VPS50: variants seen among roughly 807,000 people sequenced by gnomAD.
VPS50 encodes syndetin.
VPS50 carries 70 observed loss-of-function variants against 139.7 expected under a neutral mutation model. That is an observed-to-expected ratio of 0.50 (90% confidence interval 0.41 to 0.61). The LOEUF is 0.61. Among genes scored for constraint, VPS50 ranks in the 20% least tolerant of loss-of-function variants. VPS50 has a pLI of 0.00. For synonymous variants in VPS50, 365 were observed against 376.7 expected (o/e 0.97, Z 0.36); for missense variants, 921 against 1,133.7 (o/e 0.81, Z 2.69).
At chr7:93,348,879 GT>G in intron 24 of VPS50, 72 bp downstream of exon 24, 1 of 1,114,328 alleles carries the variant, frequency 9.0e-7, no homozygotes, top group South Asian at 1.3e-5. Context: ...TAGATTTTTT[GT>G]TGTTTTTTTT....
At chr7:93,277,538 C>G (rs1056554205) in intron 12 of VPS50, among the ~76,000 whole-genome samples, 2 of 152,148 alleles carry the variant, frequency 1.3e-5, no homozygotes, top group Non-Finnish European at 2.9e-5. Flanking sequence ...GGTTATATGT[C>G]TGTTGGGTAC....
chr7:93,311,809 T>A (rs1424818637), intron 20 of VPS50, among the ~76,000 whole-genome samples: 1 of 152,146 alleles, frequency 6.6e-6, no homozygotes, highest in Non-Finnish European at 1.5e-5. Flanking sequence ...TTTTAAATAT[T>A]CAGGTTTTAG....
intron 9 of VPS50, among the ~76,000 whole-genome samples, chr7:93,261,289 G>T (rs1055237130): frequency 1.3e-5 from 2 of 152,126 alleles, no homozygotes; most frequent in Admixed American, 1.3e-4. Flanking sequence ...TGTCAGTATG[G>T]TGATAAACCA....
At chr7:93,345,088 TAATA>T (rs1294918146) in intron 23 of VPS50, among the ~76,000 whole-genome samples, 1 of 151,890 alleles carries the variant, frequency 6.6e-6, no homozygotes, top group Non-Finnish European at 1.5e-5. Context: ...CTAGCAAGAC[TAATA>T]AAGAAAAAAA....
chr7:93,246,041 C>T, intron 2 of VPS50: 1 of 987,340 alleles, frequency 1.0e-6, no homozygotes, highest in Non-Finnish European at 1.5e-6. Context: ...ATGTTTTGTT[C>T]TTACTTCTAG....
rs566945832 is a variant in VPS50 at position 93,337,846 on chromosome 7, C to T, written c.2059-3581C>T. Among the ~76,000 whole-genome samples, 4 of 152,164 alleles carry T rather than the reference C, an allele frequency of 2.6e-5. No individual in the cohort carries two copies. In the East Asian group the frequency reaches 7.7e-4, roughly 29 times the overall value. On this transcript the variant is annotated intron_variant, in intron 22 of 27. Transcript: ENST00000305866. Reference sequence around the variant, plus strand: ...CTTGAACATCTCCAGTGATGTTTTTCTGGGAACTCATAACCACCCAAAGCA... The same window carrying T: ...CTTGAACATCTCCAGTGATGTTTTTTTGGGAACTCATAACCACCCAAAGCA...
intron 9 of VPS50, among the ~76,000 whole-genome samples, chr7:93,268,686 A>G (rs1175941804): frequency 6.6e-6 from 1 of 152,132 alleles, no homozygotes; most frequent in Non-Finnish European, 1.5e-5. Context: ...CATAGTATCC[A>G]ATGGTGTATA....
chr7:93,275,783 C>A, intron 11 of VPS50: 1 of 165,444 alleles, frequency 6.0e-6, no homozygotes, highest in East Asian at 1.7e-4. Flanking sequence ...ATGGAAGGTT[C>A]CCTGAGAAGA....
chr7:93,334,841 T>C lies in VPS50; in HGVS notation c.2058+644T>C, dbSNP rs373426016. Among the ~76,000 whole-genome samples, 23 of 152,284 alleles carry C rather than the reference T, an allele frequency of 1.5e-4. No individual in the cohort carries two copies. The East Asian group carries it at 3.9e-3, about 26-fold the overall frequency. ...AACATAAGCATTTAAAATGAGAAAA[T>C]CTTTTTTTCTTGTGGTTGGTCACTG... On this transcript the variant is annotated intron_variant, in intron 22 of 27. Coordinates refer to ENST00000305866, the MANE Select transcript of VPS50 (RefSeq NM_017667.4).
Position 93,256,514 on chromosome 7 carries a change from T to TA in VPS50, c.309dup (p.Val104SerfsTer7). The stretch of plus-strand genomic sequence containing the variant: ...TTGATTACATCTTCTTATAGGTATC[T>TA]AAAAAAGTGGCAGATTTAATCCTTG... On this transcript the variant is annotated frameshift_variant, in exon 5 of 28. Transcript: ENST00000305866. LOFTEE classifies it high-confidence loss of function. 7.1e-7 allele frequency: 1 copy of TA among 1,416,320 alleles called. No homozygotes were observed. The highest frequency in any genetic ancestry group is 9.5e-7 in the Non-Finnish European group (1 of 1,051,656). 87.7% of individuals were successfully genotyped at this position (1,416,320 alleles called of 1,614,324 possible). A position where few individuals can be genotyped will look rare whatever the true frequency, so the allele number is the denominator to read the frequency against.
chr7:93,319,115 A>G (rs1797523213), intron 20 of VPS50, among the ~76,000 whole-genome samples: 1 of 152,158 alleles, frequency 6.6e-6, no homozygotes, highest in Non-Finnish European at 1.5e-5. Context: ...TGCAAAGAAC[A>G]TATCTTTCTC....
intron 9 of VPS50, 79 bp from the exon 10 acceptor site, chr7:93,271,141 T>G: frequency 6.6e-7 from 1 of 1,518,462 alleles, no homozygotes; most frequent in Non-Finnish European, 8.8e-7. Flanking sequence ...TATGGATTAA[T>G]TATTCAGTTA....
intron 13 of VPS50, among the ~76,000 whole-genome samples, chr7:93,293,089 A>G (rs1030049173): frequency 1.4e-4 from 21 of 152,272 alleles, no homozygotes; most frequent in Admixed American, 1.2e-3. Flanking sequence ...AAGCAAAACC[A>G]AACCAAACCC....
intron 21 of VPS50, among the ~76,000 whole-genome samples, chr7:93,330,372 A>G (rs1797899987): frequency 6.6e-6 from 1 of 152,228 alleles, no homozygotes; most frequent in Admixed American, 6.5e-5. Context: ...ATTACATTAG[A>G]TGATAATGGA....
intron 9 of VPS50, among the ~76,000 whole-genome samples, chr7:93,261,682 A>C (rs1347801051): frequency 6.6e-6 from 1 of 150,790 alleles, no homozygotes; most frequent in Non-Finnish European, 1.5e-5. Flanking sequence ...CGTCTCAAAA[A>C]AAAAAAAAAA....
intron 23 of VPS50, among the ~76,000 whole-genome samples, chr7:93,345,258 A>G (rs1013727035): frequency 9.9e-5 from 15 of 152,110 alleles, no homozygotes; most frequent in African/African-American, 3.4e-4. Flanking sequence ...CGACACATAC[A>G]CTCTCCCAAG....
chr7:93,257,910 T>C (rs1255373306), intron 6 of VPS50: 1 of 330,118 alleles, frequency 3.0e-6, no homozygotes, highest in Non-Finnish European at 5.4e-6. Flanking sequence ...TTTTAAGCGC[T>C]TATTCTCAGT....
At chr7:93,349,642 T>G (rs1798501969) in intron 24 of VPS50, among the ~76,000 whole-genome samples, 1 of 152,180 alleles carries the variant, frequency 6.6e-6, no homozygotes, top group Non-Finnish European at 1.5e-5. Flanking sequence ...TCTAGTTCTT[T>G]GACAGTTGCA....
chr7:93,261,847 C>G (rs1021985060), intron 9 of VPS50, among the ~76,000 whole-genome samples: 25 of 152,194 alleles, frequency 1.6e-4, no homozygotes, highest in African/African-American at 6.0e-4. Context: ...GAATAGGAAA[C>G]TGTCTACACC....
Sources: allele counts gnomAD v4.1 joint callset (sites outside exome capture counted in the v4.1 genomes callset), GRCh38; gene constraint gnomAD v4.1.1; transcripts MANE v1.5; gene names NCBI Gene and HGNC (gene_info 2026-07-23, HGNC 2026-07-21).